DMD: variants seen among roughly 807,000 people sequenced by gnomAD.
The protein encoded by DMD is mutant dystrophin.
DMD carries 63 observed loss-of-function variants against 330.1 expected under a neutral mutation model. The observed-to-expected ratio is 0.19, with a 90% confidence interval of 0.16 to 0.24. The LOEUF (loss-of-function observed/expected upper bound fraction) is 0.24, where lower values mean the gene tolerates loss of function less well. Ranked by LOEUF, DMD falls within the 10% of genes least tolerant of loss-of-function variation. DMD has a pLI of 1.00. For missense variants in DMD, 3,344 were observed against 2,684.1 expected, an observed-to-expected ratio of 1.25 and a Z score of -5.43; for synonymous variants, 1,223 against 959.8, an observed-to-expected ratio of 1.27 and a Z score of -5.07.
chrX:33,314,569 TG>T (rs761655612), intron 1 of DMD, among the ~76,000 whole-genome samples: 741 of 64,231 alleles, frequency 0.012, 74 homozygotes, highest in African/African-American at 0.023. Context: ...GTTTTTTTTT[TG>T]TTTTTTTTTT....
chrX:32,696,107 T>C (rs1380242615), intron 9 of DMD, among the ~76,000 whole-genome samples: 2 of 112,097 alleles, frequency 1.8e-5, no homozygotes, highest in African/African-American at 3.2e-5. Context: ...TCTCCTCTTA[T>C]AGAGAACGTT....
chrX:31,338,629 T>C (rs1367017901), intron 61 of DMD, among the ~76,000 whole-genome samples: 2 of 111,184 alleles, frequency 1.8e-5, no homozygotes. Flanking sequence ...CCCTTTCACC[T>C]GAACAAATTA....
intron 7 of DMD, among the ~76,000 whole-genome samples, chrX:32,731,250 C>T (rs1046678797): frequency 9.8e-5 from 11 of 112,310 alleles, no homozygotes; most frequent in South Asian, 3.7e-4. Context: ...GCATCTGGCT[C>T]GGAGGGTCCT....
intron 51 of DMD, among the ~76,000 whole-genome samples, chrX:31,764,266 C>T (rs1359758512): frequency 9.0e-6 from 1 of 111,304 alleles, no homozygotes; most frequent in Non-Finnish European, 1.9e-5. Context: ...TGATCTTTGC[C>T]CCCAGTAAAT....
chrX:31,256,712 A>G (rs1203141203), intron 63 of DMD, among the ~76,000 whole-genome samples: 1 of 106,435 alleles, frequency 9.4e-6, no homozygotes, highest in Non-Finnish European at 1.9e-5. Flanking sequence ...CAGGGTCCTT[A>G]AGTATAAATT....
intron 62 of DMD, among the ~76,000 whole-genome samples, chrX:31,279,289 A>C: frequency 8.9e-6 from 1 of 112,650 alleles, no homozygotes; most frequent in Non-Finnish European, 1.9e-5. Context: ...AGCACACTCC[A>C]TTTTACCTAC....
intron 16 of DMD, among the ~76,000 whole-genome samples, chrX:32,548,874 T>C (rs1454648133): frequency 1.8e-5 from 2 of 111,372 alleles, no homozygotes; most frequent in Non-Finnish European, 3.8e-5. Flanking sequence ...AATAACGTAG[T>C]GCCTTCACTA....
At chrX:32,453,406 TA>T (rs1489498083) in intron 26 of DMD, among the ~76,000 whole-genome samples, 2 of 111,160 alleles carry the variant, frequency 1.8e-5, no homozygotes, top group East Asian at 5.6e-4. Context: ...ACATAATATT[TA>T]TACATATTTA....
intron 49 of DMD, among the ~76,000 whole-genome samples, chrX:31,829,868 T>C (rs1163740180): frequency 8.9e-6 from 1 of 112,350 alleles, no homozygotes; most frequent in Admixed American, 9.4e-5. Flanking sequence ...TGTCTCTCTC[T>C]TTAAGTGTAA....
intron 6 of DMD, among the ~76,000 whole-genome samples, chrX:32,812,828 A>T (rs1036770349): frequency 4.5e-5 from 5 of 111,507 alleles, no homozygotes; most frequent in Non-Finnish European, 7.5e-5. Context: ...AAAAATATAT[A>T]AAAAAATTTA....
chrX:32,247,793 T>C (rs1024261747), intron 43 of DMD, among the ~76,000 whole-genome samples: 3 of 111,283 alleles, frequency 2.7e-5, no homozygotes, highest in Admixed American at 1.9e-4. Flanking sequence ...TTTCTGTATA[T>C]ATAAATACAG....
At chrX:32,433,539 G>T (rs908653756) in intron 29 of DMD, among the ~76,000 whole-genome samples, 2 of 111,651 alleles carry the variant, frequency 1.8e-5, no homozygotes, top group Non-Finnish European at 3.8e-5. Context: ...TTAGCCTGGC[G>T]TAGTGGCATG....
chrX:32,693,743 G>A (rs765310923), intron 9 of DMD, among the ~76,000 whole-genome samples: 15 of 111,657 alleles, frequency 1.3e-4, no homozygotes, highest in Non-Finnish European at 2.8e-4. Context: ...CCCAGCTCGC[G>A]GTGTAGTTTG....
intron 50 of DMD, among the ~76,000 whole-genome samples, chrX:31,817,830 T>C (rs763581837): frequency 1.8e-5 from 2 of 111,941 alleles, no homozygotes; most frequent in Non-Finnish European, 3.8e-5. Context: ...CTGATCTCCT[T>C]AATATTCCGT....
chrX:32,394,929 A>ACAAACAAAC (rs1294965078), intron 30 of DMD, among the ~76,000 whole-genome samples: 11 of 92,616 alleles, frequency 1.2e-4, no homozygotes, highest in East Asian at 1.2e-3. Context: ...AAAAAAAAAA[A>ACAAACAAAC]AAAAGAAAAG....
chrX:31,405,219 A>T (rs1326242608), intron 60 of DMD, among the ~76,000 whole-genome samples: 2 of 112,083 alleles, frequency 1.8e-5, no homozygotes, highest in Non-Finnish European at 3.8e-5. Flanking sequence ...GGCAAGAGTG[A>T]TATTTAAAAT....
chrX:32,050,540 C>G (rs189753521), intron 44 of DMD, among the ~76,000 whole-genome samples: 1 of 111,628 alleles, frequency 9.0e-6, no homozygotes, highest in Non-Finnish European at 1.9e-5. Flanking sequence ...TTAAAATGTA[C>G]AATTAAACCT....
chrX:31,865,263 T>G (rs1020541895), intron 48 of DMD, among the ~76,000 whole-genome samples: 6 of 111,677 alleles, frequency 5.4e-5, no homozygotes, highest in Non-Finnish European at 9.4e-5. Flanking sequence ...CAACCTAAAC[T>G]CAGGAGAAAA....
chrX:33,198,288 A>G (rs1454300775), intron 1 of DMD, among the ~76,000 whole-genome samples: 1 of 110,904 alleles, frequency 9.0e-6, no homozygotes, highest in African/African-American at 3.3e-5. Context: ...TTGTGGTTTT[A>G]GTGCTCAGTT....
Sources: gnomAD v4.1 joint callset for allele counts (sites outside exome capture counted in the v4.1 genomes callset) on GRCh38, gnomAD v4.1.1 for gene constraint, MANE v1.5 for transcripts, NCBI Gene and HGNC (gene_info 2026-07-23, HGNC 2026-07-21) for gene names.